Variants in PTPRO observed in about 807,000 individuals in gnomAD.
The protein encoded by PTPRO is receptor-type tyrosine-protein phosphatase O.
A neutral mutation model predicts 145.2 loss-of-function variants in PTPRO; 62 were observed. That is an observed-to-expected ratio of 0.43 (90% CI 0.35 to 0.53). The LOEUF is 0.53. Ranked by LOEUF, PTPRO falls within the 20% of genes least tolerant of loss-of-function variation. The pLI, the probability that PTPRO is intolerant of heterozygous loss-of-function variation, is 0.01. For synonymous variants in PTPRO, 565 were observed against 514.7 expected, an observed-to-expected ratio of 1.10 and a Z score of -1.32; for missense variants, 1,345 against 1,482.7, an observed-to-expected ratio of 0.91 and a Z score of 1.53.
intron 1 of PTPRO, among the ~76,000 whole-genome samples, chr12:15,441,242 A>C (rs1317401473): frequency 6.7e-6 from 1 of 150,064 alleles, no homozygotes; most frequent in East Asian, 1.9e-4. Context: ...AAATAATTTG[A>C]TCCTGAATGA....
Position 15,594,955 on chromosome 12 carries a change from C to T in PTPRO, c.3565C>T (p.His1189Tyr). 6.2e-7 allele frequency: 1 copy of T among 1,613,522 alleles called. No individual in the cohort carries two copies. Among genetic ancestry groups the T allele is most frequent in the Non-Finnish European group, 8.5e-7 (1 of 1,179,674 alleles). ...VQTEEQYIFI[H>Y]QCVQLMWMKK... ...GTTCCAGGAGCAGTACATTTTTATC[C>T]ATCAGTGTGTGCAACTGATGTGGAT... is the stretch of plus-strand genomic sequence containing the variant. Residue 1189 changes from histidine to tyrosine, a missense_variant, in exon 26 of 27, where the codon CAT becomes TAT. His to Tyr is a moderately conservative substitution (Grantham distance 83). Around this residue, in one of 3 missense-constraint regions of PTPRO, gnomAD observed 208 missense variants for 242.8 expected, o/e 0.86. Transcript: ENST00000281171.
At chr12:15,506,386 T>A (rs1483705404) in intron 6 of PTPRO, among the ~76,000 whole-genome samples, 1 of 152,208 alleles carries the variant, frequency 6.6e-6, no homozygotes, top group Non-Finnish European at 1.5e-5. Flanking sequence ...CTTGTTTATA[T>A]CTCTGGGCCT....
intron 1 of PTPRO, among the ~76,000 whole-genome samples, chr12:15,385,486 C>A (rs1022823921): frequency 6.6e-6 from 1 of 151,978 alleles, no homozygotes; most frequent in African/African-American, 2.4e-5. Context: ...GAGTGACTTA[C>A]AAGAAAACAT....
intron 22 of PTPRO, among the ~76,000 whole-genome samples, chr12:15,581,473 C>A (rs1944316353): frequency 6.6e-6 from 1 of 151,856 alleles, no homozygotes; most frequent in South Asian, 2.1e-4. Flanking sequence ...CCCCTCAACT[C>A]TGTTTTAGTT....
chr12:15,416,332 T>G (rs1464448193), intron 1 of PTPRO, among the ~76,000 whole-genome samples: 1 of 150,624 alleles, frequency 6.6e-6, no homozygotes, highest in Non-Finnish European at 1.5e-5. Context: ...TTTCTTTTTT[T>G]TTTTTGAGAC....
At chr12:15,346,019 G>T (rs796402391) in intron 1 of PTPRO, among the ~76,000 whole-genome samples, 20 of 152,092 alleles carry the variant, frequency 1.3e-4, no homozygotes, top group African/African-American at 4.6e-4. Context: ...CAGAAACTTT[G>T]CTTAATATGA....
rs1944003242 is a variant in PTPRO at position 15,569,949 on chromosome 12, T to C, written c.2829+451T>C. Among the ~76,000 whole-genome samples, 2 of 152,228 alleles carry C rather than the reference T, an allele frequency of 1.3e-5. 1 individual carries two copies. Among genetic ancestry groups the C allele is most frequent in the South Asian group, 4.1e-4 (2 of 4,834 alleles). On this transcript the variant is annotated intron_variant, in intron 19 of 26. Transcript: ENST00000281171. ...GCACATAACATCCTGGAGTAGGGCT[T>C]TTCAAGCTATAGGACTCCTGGCATT...
At chr12:15,519,918 G>T (rs1322902896) in intron 9 of PTPRO, among the ~76,000 whole-genome samples, 1 of 152,130 alleles carries the variant, frequency 6.6e-6, no homozygotes, top group African/African-American at 2.4e-5. Context: ...AATAAGGACT[G>T]TTTCGCATGT....
chr12:15,586,179 AG>A (rs1219917917), intron 23 of PTPRO, among the ~76,000 whole-genome samples: 2 of 152,230 alleles, frequency 1.3e-5, no homozygotes, highest in Admixed American at 1.3e-4. Context: ...GCCCAAGACA[AG>A]GATTCTCATA....
At chr12:15,504,107 G>A in intron 6 of PTPRO, 38 bp downstream of exon 6, 1 of 1,569,456 alleles carries the variant, frequency 6.4e-7, no homozygotes, top group South Asian at 1.1e-5. Context: ...TTACTGGGGA[G>A]CTAGAACAAT....
chr12:15,499,086 G>A (rs1400791326), intron 3 of PTPRO, among the ~76,000 whole-genome samples: 1 of 152,026 alleles, frequency 6.6e-6, no homozygotes, highest in East Asian at 1.9e-4. Context: ...TCATAAGGTG[G>A]CAAAATACCT....
At chr12:15,474,931 C>G (rs1407508682) in intron 1 of PTPRO, among the ~76,000 whole-genome samples, 2 of 152,188 alleles carry the variant, frequency 1.3e-5, no homozygotes, top group Non-Finnish European at 2.9e-5. Context: ...GGCCTGCTGT[C>G]TTCCTCTCAT....
chr12:15,514,323 A>G (rs1217855043), intron 7 of PTPRO, among the ~76,000 whole-genome samples: 1 of 151,930 alleles, frequency 6.6e-6, no homozygotes, highest in Non-Finnish European at 1.5e-5. Context: ...GTGGTGGCCC[A>G]CAACTGTAAT....
chr12:15,488,519 C>T (rs183551546), intron 2 of PTPRO, among the ~76,000 whole-genome samples: 24 of 152,262 alleles, frequency 1.6e-4, no homozygotes, highest in African/African-American at 5.8e-4. Flanking sequence ...TAACTGAAAG[C>T]TTTTTAAACA....
Position 15,578,761 on chromosome 12 carries a change from T to A in PTPRO, c.2830-92T>A, listed in dbSNP as rs1944241774. The stretch of plus-strand genomic sequence containing the variant: ...TAAAGGGAGCTACTGCAATGTCATA[T>A]AGCAAAGGGCTTGTGAGCAATAAAC... On this transcript the variant is annotated intron_variant, in intron 19 of 26. Transcript: ENST00000281171. The A allele has an allele frequency of 8.0e-6, 8 of 996,586 alleles. No homozygotes were observed. In the South Asian group the frequency reaches 1.1e-4, roughly 13 times the overall value. The allele number at this position is 996,586 out of a possible 1,614,324, so 61.7% of individuals were successfully genotyped here.
At chr12:15,565,697 T>A (rs769139160) in intron 18 of PTPRO, 69 bp downstream of exon 18, 35 of 1,141,582 alleles carry the variant, frequency 3.1e-5, no homozygotes, top group Non-Finnish European at 4.6e-5. Flanking sequence ...CAATTAAAGA[T>A]TGCTTGTCTT....
At chr12:15,428,685 A>G (rs186591877) in intron 1 of PTPRO, among the ~76,000 whole-genome samples, 4 of 152,180 alleles carry the variant, frequency 2.6e-5, no homozygotes, top group African/African-American at 9.7e-5. Context: ...GATAGAATTT[A>G]TATCTTGCCT....
chr12:15,335,543 C>T (rs1866735087), intron 1 of PTPRO, among the ~76,000 whole-genome samples: 1 of 152,010 alleles, frequency 6.6e-6, no homozygotes, highest in Non-Finnish European at 1.5e-5. Flanking sequence ...TTAGAACTGA[C>T]TATAGGCCTT....
chr12:15,482,019 G>A (rs1319444589), intron 1 of PTPRO, among the ~76,000 whole-genome samples: 1 of 152,070 alleles, frequency 6.6e-6, no homozygotes, highest in Non-Finnish European at 1.5e-5. Context: ...TCTATCCAAA[G>A]GAAAGGAAAT....
Sources: allele counts gnomAD v4.1 joint callset (sites outside exome capture counted in the v4.1 genomes callset), GRCh38; gene constraint gnomAD v4.1.1; regional missense constraint gnomAD v4.1.1; transcripts MANE v1.5; gene names NCBI Gene and HGNC (gene_info 2026-07-23, HGNC 2026-07-21).